The following C2CD5 variants were observed in gnomAD, a reference collection of about 807,000 sequenced individuals.
C2CD5 encodes C2 domain-containing protein 5.
In C2CD5, 109 loss-of-function variants were observed where a neutral mutation model predicts 130.3. That is an observed-to-expected ratio of 0.84 (90% CI 0.72 to 0.98). The LOEUF (loss-of-function observed/expected upper bound fraction) is 0.98, where lower values mean the gene tolerates loss of function less well. Ranked by LOEUF, C2CD5 falls within the 50% of genes least tolerant of loss-of-function variation. The pLI is 0.00. For missense variants in C2CD5, 996 were observed against 1,261.8 expected (o/e 0.79, Z 3.19); for synonymous variants, 454 against 429.2 (o/e 1.06, Z -0.71).
At chr12:22,508,162 A>G (rs1216713665) in intron 9 of C2CD5, among the ~76,000 whole-genome samples, 1 of 152,142 alleles carries the variant, frequency 6.6e-6, no homozygotes, top group Non-Finnish European at 1.5e-5. Context: ...AGTCCTGTGC[A>G]CCTCAGTAAC....
chr12:22,463,722 T>C (rs1941591266), intron 22 of C2CD5: 1 of 152,220 alleles, frequency 6.6e-6, no homozygotes, highest in African/African-American at 2.4e-5. Context: ...TCTATTCACT[T>C]TATATCATTA....
chr12:22,523,653 CT>C, intron 6 of C2CD5, 29 bp from the exon 7 acceptor site: 1 of 1,551,966 alleles, frequency 6.4e-7, no homozygotes. Flanking sequence ...CTCATTCTTG[CT>C]TTGTAGCTTT....
Position 22,456,976 on chromosome 12 carries a change from G to T in C2CD5, c.2872C>A (p.Arg958=), listed in dbSNP as rs753259599. The change falls in exon 25 of 27, where the codon CGG becomes AGG. Residue 958 remains arginine (R), a synonymous_variant. Transcript: ENST00000446597. ...AATAACTTCTATAAAATTACCTCCC[G>T]AAGAGAAGTAGTCTCTCGAATAAAA... ...MFFIRETTSL[R]EEGGVSGFLH... 1.9e-6 allele frequency: 3 copies of T among 1,557,992 alleles called. No homozygotes were observed. In the South Asian group the frequency reaches 3.6e-5, roughly 19 times the overall value.
chr12:22,519,376 C>A (rs978930955), intron 7 of C2CD5: 2 of 602,052 alleles, frequency 3.3e-6, no homozygotes, highest in Non-Finnish European at 5.3e-6. Context: ...ATGCAAAAAA[C>A]AAGTTGAAAT....
chr12:22,472,091 C>G, intron 18 of C2CD5, 26 bp from the exon 19 acceptor site: 1 of 1,281,720 alleles, frequency 7.8e-7, no homozygotes, highest in Non-Finnish European at 1.1e-6. Flanking sequence ...CATAACATGT[C>G]ATTTTATTAT....
At chr12:22,479,049 A>G (rs1944307135) in intron 14 of C2CD5, among the ~76,000 whole-genome samples, 1 of 151,890 alleles carries the variant, frequency 6.6e-6, no homozygotes, top group South Asian at 2.1e-4. Flanking sequence ...CTGCATACCC[A>G]ATTATATTTT....
At chr12:22,484,975 A>G in intron 12 of C2CD5, 87 bp from the exon 13 acceptor site, 1 of 572,088 alleles carries the variant, frequency 1.7e-6, no homozygotes, top group Non-Finnish European at 2.8e-6. Flanking sequence ...TTACATACAC[A>G]GTACTTGTAT....
intron 9 of C2CD5, among the ~76,000 whole-genome samples, chr12:22,511,433 C>A (rs986859035): frequency 6.6e-6 from 1 of 152,272 alleles, no homozygotes; most frequent in East Asian, 1.9e-4. Context: ...AATGCTTTGG[C>A]TGCTTACTTT....
intron 12 of C2CD5, among the ~76,000 whole-genome samples, chr12:22,486,445 A>G (rs1945532447): frequency 6.6e-6 from 1 of 152,162 alleles, no homozygotes; most frequent in South Asian, 2.1e-4. Context: ...AAAACTAATG[A>G]ATTCATTTTA....
In C2CD5 at chr12:22,512,284, A is replaced by G. The variant is rs759363823; in HGVS notation, c.1038+1010T>C. ...TCTAGAGGAGAAATACTTTAGTTTTATGAAATGTATCCTTTTTACAGGTAT... is the reference window on the plus strand; with the variant it reads ...TCTAGAGGAGAAATACTTTAGTTTTGTGAAATGTATCCTTTTTACAGGTAT... On this transcript the variant is annotated intron_variant, in intron 9 of 26. Coordinates refer to ENST00000446597, the MANE Select transcript of C2CD5 (RefSeq NM_001286176.2). Among the ~76,000 whole-genome samples the G allele has an allele frequency of 2.4e-4, 36 of 152,232 alleles. 1 individual carries two copies. Among genetic ancestry groups the G allele is most frequent in the Non-Finnish European group, 1.2e-4 (8 of 68,026 alleles).
chr12:22,457,145 T>A lies in C2CD5; in HGVS notation c.2703A>T (p.Lys901Asn), dbSNP rs1007416902. ...GSIKTTMTVE[K>N]ASPVGDGNFR... is the part of the protein sequence containing the mutation. ...AATTTCCATCACCCACTGGACTTGC[T>A]TTTTCAACTGTCATGGCTAAAATTG... Residue 901 changes from lysine (K) to asparagine (N), a missense_variant, in exon 25 of 27, where the codon AAA (lysine) becomes AAT (asparagine). By Grantham distance (94) the Lys-to-Asn change is moderately conservative. This residue lies in a region of C2CD5 where 590 missense variants were observed against 631.4 expected (regional missense o/e 0.93). Transcript: ENST00000446597. 6.2e-7 allele frequency: 1 copy of A among 1,600,926 alleles called. No homozygotes were observed. The highest frequency in any genetic ancestry group is 8.5e-7 in the Non-Finnish European group (1 of 1,174,928).
chr12:22,495,751 A>C (rs933772462), intron 10 of C2CD5, among the ~76,000 whole-genome samples: 1 of 152,120 alleles, frequency 6.6e-6, no homozygotes. Flanking sequence ...TAAGGAAGCA[A>C]ATGGCATATG....
intron 12 of C2CD5, among the ~76,000 whole-genome samples, chr12:22,488,195 T>TA (rs547487468): frequency 4.2e-4 from 63 of 150,052 alleles, no homozygotes; most frequent in African/African-American, 3.9e-4. Context: ...AAAGTATAAT[T>TA]AAAAAAAAAC....
At chr12:22,498,454 T>G (rs1320169572) in intron 10 of C2CD5, among the ~76,000 whole-genome samples, 1 of 152,196 alleles carries the variant, frequency 6.6e-6, no homozygotes, top group Admixed American at 6.6e-5. Flanking sequence ...AATATATCCC[T>G]ATATAATCAG....
intron 2 of C2CD5, 38 bp downstream of exon 2, chr12:22,544,023 C>T: frequency 6.7e-7 from 1 of 1,488,460 alleles, no homozygotes; most frequent in Non-Finnish European, 9.4e-7. Context: ...CAGGGCTTGG[C>T]GCTCCCTGTG....
At chr12:22,517,090 A>G (rs1949802248) in intron 8 of C2CD5, among the ~76,000 whole-genome samples, 1 of 151,936 alleles carries the variant, frequency 6.6e-6, no homozygotes, top group Admixed American at 6.6e-5. Context: ...TTGGATTTAG[A>G]CTTCTTTTCC....
At chr12:22,481,163 T>G (rs892574838) in intron 14 of C2CD5, among the ~76,000 whole-genome samples, 1 of 152,210 alleles carries the variant, frequency 6.6e-6, no homozygotes, top group Non-Finnish European at 1.5e-5. Flanking sequence ...TTTCTGTCGT[T>G]AGAAAACTGT....
chr12:22,523,474 G>A lies in C2CD5; in HGVS notation c.752C>T (p.Pro251Leu), dbSNP rs1427537437. 11 of 1,613,854 alleles carry A rather than the reference G, an allele frequency of 6.8e-6. No homozygotes were observed. The South Asian group carries it at 9.9e-5, about 14-fold the overall frequency. ...ATTACATGCAGGAAGGAATGCTGCT[G>A]GGCTACTTAATTTATCCAGAGTACA... Reference protein sequence around the residue: ...TACTLDKLSSPAAFLPACNSP... With the variant: ...TACTLDKLSSLAAFLPACNSP... The change falls in exon 7 of 27, where the codon CCA becomes CTA. Residue 251 changes from proline to leucine, a missense_variant. By Grantham distance (98) the Pro-to-Leu change is moderately conservative. Coordinates refer to ENST00000446597, the MANE Select transcript of C2CD5 (RefSeq NM_001286176.2).
intron 9 of C2CD5, chr12:22,512,718 G>A (rs1023422004): frequency 5.0e-6 from 7 of 1,397,564 alleles, no homozygotes; most frequent in Non-Finnish European, 6.7e-6. Flanking sequence ...AAAAGAGAGA[G>A]AGAGAAATCA....
Sources: allele counts gnomAD v4.1 joint callset (sites outside exome capture counted in the v4.1 genomes callset), GRCh38; gene constraint gnomAD v4.1.1; regional missense constraint gnomAD v4.1.1; transcripts MANE v1.5; gene names NCBI Gene and HGNC (gene_info 2026-07-23, HGNC 2026-07-21).